Variants in B3GLCT observed in about 807,000 individuals in gnomAD.
The protein encoded by B3GLCT is beta 3-glucosyltransferase.
A neutral mutation model predicts 63.4 loss-of-function variants in B3GLCT; 65 were observed. The observed-to-expected ratio is 1.03, with a 90% confidence interval of 0.84 to 1.26. B3GLCT has a LOEUF of 1.26. Ranked by LOEUF, B3GLCT falls within the 50% of genes most tolerant of loss-of-function variation. The probability of loss-of-function intolerance (pLI) is 0.00; values close to 1 mark genes in which losing one functional copy is unlikely to be tolerated. For synonymous variants in B3GLCT, 233 were observed against 219.2 expected (o/e 1.06, Z -0.55); for missense variants, 577 against 604.8 (o/e 0.95, Z 0.48).
intron 9 of B3GLCT, 45 bp downstream of exon 9, chr13:31,274,673 T>G (rs747689855): frequency 1.9e-5 from 31 of 1,608,456 alleles, no homozygotes; most frequent in Non-Finnish European, 2.3e-5. Flanking sequence ...AAGGAAAAAT[T>G]TAGATGCTGT....
Position 31,253,618 on chromosome 13 carries a change from A to AAAAAACAAAC in B3GLCT, c.459+5655_459+5656insAACAAACAAA, listed in dbSNP as rs1555249042. Among the ~76,000 whole-genome samples the AAAAAACAAAC allele has an allele frequency of 1.7e-3, 143 of 82,310 alleles. 22 individuals carry two copies. Among genetic ancestry groups the AAAAAACAAAC allele is most frequent in the Non-Finnish European group, 2.1e-3 (90 of 43,154 alleles). 54.0% of individuals were successfully genotyped at this position (82,310 alleles called of 152,430 possible). A position where few individuals can be genotyped will look rare whatever the true frequency, so the allele number is the denominator to read the frequency against. On this transcript the variant is annotated intron_variant, in intron 6 of 14. Coordinates refer to ENST00000343307, the MANE Select transcript of B3GLCT (RefSeq NM_194318.4). ...CTCAAAAAAAAAAAAAAAAAAAAAA[A>AAAAAACAAAC]AAACTAGAGAAGCAAGAGCAAGCAA... is the stretch of plus-strand genomic sequence containing the variant.
intron 13 of B3GLCT, among the ~76,000 whole-genome samples, chr13:31,320,461 C>T (rs899325435): frequency 1.7e-4 from 26 of 152,288 alleles, no homozygotes; most frequent in Admixed American, 1.2e-3. Flanking sequence ...TCTTGCTACT[C>T]CCCTAGCAAG....
At chr13:31,225,085 G>T (rs9541306) in intron 3 of B3GLCT, among the ~76,000 whole-genome samples, 1 of 152,256 alleles carries the variant, frequency 6.6e-6, no homozygotes, top group East Asian at 1.9e-4. Context: ...TGGCCCTTTA[G>T]GTATCCTTTG....
chr13:31,212,989 T>G (rs1441414160), intron 1 of B3GLCT, among the ~76,000 whole-genome samples: 3 of 152,186 alleles, frequency 2.0e-5, no homozygotes, highest in Non-Finnish European at 2.9e-5. Flanking sequence ...CTCTCCTTTC[T>G]TCTTAGAACT....
chr13:31,261,206 G>T, intron 7 of B3GLCT, 124 bp downstream of exon 7: 1 of 1,126,392 alleles, frequency 8.9e-7, no homozygotes, highest in Non-Finnish European at 1.3e-6. Flanking sequence ...GGCAGTGTGT[G>T]GTAAGATCTG....
chr13:31,221,952 T>G (rs1479108392), intron 2 of B3GLCT, among the ~76,000 whole-genome samples: 2 of 152,222 alleles, frequency 1.3e-5, no homozygotes, highest in African/African-American at 4.8e-5. Flanking sequence ...CTTTGCCAGA[T>G]AAATCTTTTG....
At chr13:31,225,903 C>T (rs1260022948) in intron 3 of B3GLCT, among the ~76,000 whole-genome samples, 1 of 152,256 alleles carries the variant, frequency 6.6e-6, no homozygotes, top group Non-Finnish European at 1.5e-5. Context: ...GTATATAAAT[C>T]CCTCATGATT....
intron 4 of B3GLCT, among the ~76,000 whole-genome samples, chr13:31,244,385 G>A (rs958291996): frequency 4.6e-5 from 7 of 152,048 alleles, no homozygotes; most frequent in Non-Finnish European, 7.4e-5. Flanking sequence ...CCAGCTACTC[G>A]GGAGGCTGAG....
At chr13:31,271,932 T>C (rs1872588654) in intron 8 of B3GLCT, among the ~76,000 whole-genome samples, 1 of 152,232 alleles carries the variant, frequency 6.6e-6, no homozygotes, top group Non-Finnish European at 1.5e-5. Flanking sequence ...TTAGTAATGC[T>C]GTTTGTCTTA....
intron 8 of B3GLCT, among the ~76,000 whole-genome samples, chr13:31,270,904 T>C (rs945683128): frequency 2.0e-5 from 3 of 152,166 alleles, no homozygotes; most frequent in Non-Finnish European, 4.4e-5. Context: ...GAGGATGGAA[T>C]GTATTTAAGT....
intron 2 of B3GLCT, 87 bp downstream of exon 2, chr13:31,215,187 C>A: frequency 7.8e-7 from 1 of 1,288,952 alleles, no homozygotes; most frequent in Non-Finnish European, 1.1e-6. Context: ...TTTCATTCTT[C>A]AATTGTTATT....
intron 6 of B3GLCT, among the ~76,000 whole-genome samples, chr13:31,255,279 C>T (rs1228506009): frequency 6.6e-6 from 1 of 152,060 alleles, no homozygotes; most frequent in Non-Finnish European, 1.5e-5. Context: ...GAACTACAAA[C>T]CACTGCTTAA....
At chr13:31,264,864 T>G (rs1204677493) in intron 7 of B3GLCT, among the ~76,000 whole-genome samples, 1 of 152,238 alleles carries the variant, frequency 6.6e-6, no homozygotes, top group African/African-American at 2.4e-5. Context: ...AGGAAGCAAC[T>G]CAAACTGGAT....
At chr13:31,318,862 A>G (rs937805465) in intron 13 of B3GLCT, among the ~76,000 whole-genome samples, 1 of 152,132 alleles carries the variant, frequency 6.6e-6, no homozygotes, top group African/African-American at 2.4e-5. Flanking sequence ...GCGTTCATAT[A>G]ATATTTTTAA....
chr13:31,284,539 A>G, intron 10 of B3GLCT, 109 bp from the exon 11 acceptor site: 1 of 738,110 alleles, frequency 1.4e-6, no homozygotes, highest in Non-Finnish European at 2.5e-6. Context: ...CACCTGAAGA[A>G]CAACCAGTAA....
At chr13:31,281,208 T>G (rs1254340171) in intron 10 of B3GLCT, among the ~76,000 whole-genome samples, 1 of 152,204 alleles carries the variant, frequency 6.6e-6, no homozygotes, top group African/African-American at 2.4e-5. Context: ...AATTGCCGTT[T>G]GCTCAGCCTT....
At chr13:31,245,354 A>C (rs1228029821) in intron 4 of B3GLCT, among the ~76,000 whole-genome samples, 1 of 152,120 alleles carries the variant, frequency 6.6e-6, no homozygotes, top group African/African-American at 2.4e-5. Context: ...TTTGGAAGTA[A>C]ATTTTTGAGG....
chr13:31,263,203 A>G (rs1327557214), intron 7 of B3GLCT, among the ~76,000 whole-genome samples: 1 of 152,144 alleles, frequency 6.6e-6, no homozygotes, highest in Non-Finnish European at 1.5e-5. Context: ...CTAGAGTTTT[A>G]CCTTCCTTCT....
chr13:31,200,565 C>T lies in B3GLCT; in HGVS notation c.70+411C>T, dbSNP rs996844303. Among the ~76,000 whole-genome samples, 63 of 151,124 alleles carry T rather than the reference C, an allele frequency of 4.2e-4. No homozygotes were observed. In the East Asian group the frequency reaches 0.011, roughly 27 times the overall value. ...GAGTGGCGGCGGCGGCGGTCCCGCC[C>T]CCCTGCCTTCCGCCCGCGCTCCGCC... On this transcript the variant is annotated intron_variant, in intron 1 of 14. Coordinates refer to ENST00000343307, the MANE Select transcript of B3GLCT (RefSeq NM_194318.4).
Sources: gnomAD v4.1 joint callset for allele counts (sites outside exome capture counted in the v4.1 genomes callset) on GRCh38, gnomAD v4.1.1 for gene constraint, MANE v1.5 for transcripts, NCBI Gene and HGNC (gene_info 2026-07-23, HGNC 2026-07-21) for gene names.